The following FAM149B1 variants were observed in gnomAD, a reference collection of about 807,000 sequenced individuals.
FAM149B1 encodes the protein family with sequence similarity 149 member B1.
In FAM149B1, 56 loss-of-function variants were observed where a neutral mutation model predicts 75.3. The observed-to-expected ratio is 0.74, with a 90% CI of 0.60 to 0.93. The LOEUF (loss-of-function observed/expected upper bound fraction) is 0.93, where lower values mean the gene tolerates loss of function less well. FAM149B1 is among the 40% of genes least tolerant of loss of function. The probability of loss-of-function intolerance (pLI) is 0.00; values close to 1 mark genes in which losing one functional copy is unlikely to be tolerated. For missense variants in FAM149B1, 639 were observed against 708.4 expected (o/e 0.90, Z 1.11); for synonymous variants, 259 against 256.1 (o/e 1.01, Z -0.11).
At chr10:73,195,288 A>G (rs1261474239) in intron 5 of FAM149B1, among the ~76,000 whole-genome samples, 1 of 152,192 alleles carries the variant, frequency 6.6e-6, no homozygotes, top group Non-Finnish European at 1.5e-5. Flanking sequence ...GATTTGGGTT[A>G]TCAACTGATT....
chr10:73,168,326 G>C lies in FAM149B1; in HGVS notation c.-14G>C. 1.9e-6 allele frequency: 3 copies of C among 1,549,230 alleles called. No homozygotes were observed. The highest frequency in any genetic ancestry group is 2.6e-6 in the Non-Finnish European group (3 of 1,146,590). ...CCGCGGCTGAGGAGGAGGAGGAGGA[G>C]GAGGAGGAGGAGGATGATCTCCAGA... On this transcript the variant is annotated 5_prime_UTR_variant, in exon 1 of 14. Coordinates refer to ENST00000242505, the MANE Select transcript of FAM149B1 (RefSeq NM_173348.2).
At chr10:73,225,149 C>T (rs920021758) in intron 7 of FAM149B1, among the ~76,000 whole-genome samples, 4 of 152,108 alleles carry the variant, frequency 2.6e-5, no homozygotes, top group Non-Finnish European at 5.9e-5. Flanking sequence ...TCATAATAAA[C>T]GATTATGTTA....
intron 2 of FAM149B1, among the ~76,000 whole-genome samples, chr10:73,177,587 G>C (rs1844026839): frequency 6.8e-6 from 1 of 146,134 alleles, no homozygotes; most frequent in Non-Finnish European, 1.5e-5. Flanking sequence ...AAAAAAAAGA[G>C]TATGTCATAG....
At chr10:73,206,774 G>A (rs1335091070) in intron 5 of FAM149B1, among the ~76,000 whole-genome samples, 1 of 152,192 alleles carries the variant, frequency 6.6e-6, no homozygotes, top group Non-Finnish European at 1.5e-5. Flanking sequence ...AATTAGCCAG[G>A]TGTGGTGGCG....
chr10:73,195,553 A>C (rs928138476), intron 5 of FAM149B1, among the ~76,000 whole-genome samples: 1 of 152,220 alleles, frequency 6.6e-6, no homozygotes, highest in Non-Finnish European at 1.5e-5. Flanking sequence ...TGTAAACTTT[A>C]TATGTGCCTT....
chr10:73,243,319 C>G lies in FAM149B1; in HGVS notation c.*2300C>G. 2 of 1,532,574 alleles carry G rather than the reference C, an allele frequency of 1.3e-6. No individual in the cohort carries two copies. The highest frequency in any genetic ancestry group is 2.7e-5 in the African/African-American group (2 of 72,796). 94.9% of individuals were successfully genotyped at this position (1,532,574 alleles called of 1,614,324 possible). A position where few individuals can be genotyped will look rare whatever the true frequency, so the allele number is the denominator to read the frequency against. On this transcript the variant is annotated 3_prime_UTR_variant, in exon 14 of 14. Coordinates refer to ENST00000242505, the MANE Select transcript of FAM149B1 (RefSeq NM_173348.2). ...CACCTTTTCTCAAGAGCTGAATTGA[C>G]TTTTGCCTTCAAATCCTGCCTGCAC...
At chr10:73,226,837 A>G (rs1001367816) in intron 7 of FAM149B1, among the ~76,000 whole-genome samples, 3 of 152,160 alleles carry the variant, frequency 2.0e-5, no homozygotes, top group African/African-American at 7.2e-5. Flanking sequence ...GTTAGAACAA[A>G]CTGACAGGTG....
At chr10:73,168,509 C>T (rs1333019938) in intron 1 of FAM149B1, 123 bp downstream of exon 1, 1 of 1,183,912 alleles carries the variant, frequency 8.4e-7, no homozygotes, top group Non-Finnish European at 1.2e-6. Flanking sequence ...TCGGAATTCT[C>T]TCCTCTCAGC....
intron 7 of FAM149B1, among the ~76,000 whole-genome samples, chr10:73,227,466 C>G (rs935721814): frequency 6.6e-6 from 1 of 152,140 alleles, no homozygotes; most frequent in African/African-American, 2.4e-5. Flanking sequence ...TCTGTCAATT[C>G]CAATTTCTGA....
chr10:73,214,843 A>T (rs2043261087), intron 7 of FAM149B1, among the ~76,000 whole-genome samples: 1 of 151,840 alleles, frequency 6.6e-6, no homozygotes, highest in Admixed American at 6.6e-5. Context: ...CTCCTTTTTA[A>T]TTTTTTTGGA....
chr10:73,240,505 T>C (rs533933154), intron 13 of FAM149B1, among the ~76,000 whole-genome samples: 3 of 152,122 alleles, frequency 2.0e-5, no homozygotes, highest in South Asian at 2.1e-4. Context: ...GAGGTCAGCA[T>C]ATTGAGACCA....
chr10:73,188,936 G>A (rs1385229625), intron 3 of FAM149B1, among the ~76,000 whole-genome samples: 1 of 151,832 alleles, frequency 6.6e-6, no homozygotes, highest in Non-Finnish European at 1.5e-5. Context: ...GCTTGTGCCT[G>A]TAACCCCAAC....
rs539543745 is a variant in FAM149B1, at chr10:73,234,794, G to A, written c.1353-23G>A. 39 of 1,550,094 alleles carry A rather than the reference G, an allele frequency of 2.5e-5. No homozygotes were observed. The East Asian group carries it at 3.2e-4, about 13-fold the overall frequency. On this transcript the variant is annotated intron_variant, in intron 10 of 13. Transcript: ENST00000242505. The stretch of plus-strand genomic sequence containing the variant: ...TATAACTTCATGCTTTCATACCTTC[G>A]TGTTTGTTGGTGGGATCTGCAGCCC...
Position 73,243,221 on chromosome 10 carries a change from T to C in FAM149B1, c.*2202T>C. 1.5e-6 allele frequency: 1 copy of C among 646,162 alleles called. No homozygotes were observed. The highest frequency in any genetic ancestry group is 1.9e-5 in the South Asian group (1 of 52,226). The allele number at this position is 646,162 out of a possible 1,614,324, so 40.0% of individuals were successfully genotyped here. A position where few individuals can be genotyped will look rare whatever the true frequency, so the allele number is the denominator to read the frequency against. On this transcript the variant is annotated 3_prime_UTR_variant, in exon 14 of 14. Transcript: ENST00000242505. The stretch of plus-strand genomic sequence containing the variant: ...AGACCTCACACAATGTCAAGTGCTT[T>C]CTAGGAAATACTAAGATCAGGTTGA...
At position 73,243,845 on chromosome 10, in the gene FAM149B1, G is replaced by GA; in HGVS notation, c.*2828dup. On this transcript the variant is annotated 3_prime_UTR_variant, in exon 14 of 14. Transcript: ENST00000242505. ...TGGCAACAAACTGCCAAGTTTACCT[G>GA]AATGGCTGCCTTCAGGCTATCCACG... The GA allele has an allele frequency of 6.2e-7, 1 of 1,612,560 alleles. No individual in the cohort carries two copies. Among genetic ancestry groups the GA allele is most frequent in the African/African-American group, 1.3e-5 (1 of 74,966 alleles).
At chr10:73,232,888 C>T (rs2043738736) in intron 9 of FAM149B1, 51 bp from the exon 10 acceptor site, 1 of 1,118,090 alleles carries the variant, frequency 8.9e-7, no homozygotes, top group East Asian at 2.6e-5. Context: ...GTCTTGTCTT[C>T]CTTGACATAC....
At chr10:73,227,950 G>C in intron 7 of FAM149B1, 110 bp from the exon 8 acceptor site, 1 of 1,153,390 alleles carries the variant, frequency 8.7e-7, no homozygotes, top group Non-Finnish European at 1.3e-6. Flanking sequence ...GCAAAGATAA[G>C]TGAAGCCTTG....
In FAM149B1 at chr10:73,241,840, A is replaced by C. The variant is rs987416880; in HGVS notation, c.*821A>C. ...CAAAGTATAATTCCCTAAAAGTTTA[A>C]GAAACCCTGGCAATTAATTCAGCAT... On this transcript the variant is annotated 3_prime_UTR_variant, in exon 14 of 14. Transcript: ENST00000242505. The C allele has an allele frequency of 5.9e-5, 9 of 152,240 alleles. No individual in the cohort carries two copies. Among genetic ancestry groups the C allele is most frequent in the African/African-American group, 2.2e-4 (9 of 41,460 alleles). 9.4% of individuals were successfully genotyped at this position (152,240 alleles called of 1,614,324 possible). A position where few individuals can be genotyped will look rare whatever the true frequency, so the allele number is the denominator to read the frequency against.
At position 73,241,043 on chromosome 10, in the gene FAM149B1, G is replaced by T. The variant is rs1192790669; in HGVS notation, c.*24G>T. On this transcript the variant is annotated 3_prime_UTR_variant, in exon 14 of 14. Coordinates refer to ENST00000242505, the MANE Select transcript of FAM149B1 (RefSeq NM_173348.2). Reference sequence around the variant, plus strand: ...AAGGCAAATGAGAAGAATCTATCAGGCTGCAGGAAACACGAGATTTCATGA... The same window carrying T: ...AAGGCAAATGAGAAGAATCTATCAGTCTGCAGGAAACACGAGATTTCATGA... The T allele has an allele frequency of 7.4e-7, 1 of 1,356,142 alleles. No individual in the cohort carries two copies. The highest frequency in any genetic ancestry group is 1.5e-5 in the African/African-American group (1 of 65,516). The allele number at this position is 1,356,142 out of a possible 1,614,324, so 84.0% of individuals were successfully genotyped here.
Sources: allele counts gnomAD v4.1 joint callset (sites outside exome capture counted in the v4.1 genomes callset), GRCh38; gene constraint gnomAD v4.1.1; transcripts MANE v1.5; gene names NCBI Gene and HGNC (gene_info 2026-07-23, HGNC 2026-07-21).